The following ANKFY1 variants were observed in gnomAD, a reference collection of about 807,000 sequenced individuals.
ANKFY1 encodes ankyrin repeat and FYVE domain containing 1.
A neutral mutation model predicts 128.3 loss-of-function variants in ANKFY1; 47 were observed. The observed-to-expected ratio is 0.37, with a 90% CI of 0.29 to 0.47. The LOEUF (loss-of-function observed/expected upper bound fraction) is 0.47. Ranked by LOEUF, ANKFY1 falls within the 20% of genes least tolerant of loss-of-function variation. The probability of loss-of-function intolerance (pLI) is 1.00; values close to 1 mark genes in which losing one functional copy is unlikely to be tolerated. For synonymous variants in ANKFY1, 553 were observed against 601.6 expected, an observed-to-expected ratio of 0.92 and a Z score of 1.18; for missense variants, 1,222 against 1,510.6, an observed-to-expected ratio of 0.81 and a Z score of 3.17.
chr17:4,247,913 A>G (rs1418849790), intron 1 of ANKFY1, among the ~76,000 whole-genome samples: 1 of 152,222 alleles, frequency 6.6e-6, no homozygotes, highest in East Asian at 1.9e-4. Context: ...GTAGGTGGTC[A>G]AAATATATTA....
chr17:4,176,876 C>G (rs964058634), intron 19 of ANKFY1, among the ~76,000 whole-genome samples: 1 of 152,210 alleles, frequency 6.6e-6, no homozygotes, highest in East Asian at 1.9e-4. Context: ...GGTGCTCCCA[C>G]CCTGCCTCCA....
intron 4 of ANKFY1, 101 bp from the exon 5 acceptor site, chr17:4,210,048 A>C: frequency 8.9e-7 from 1 of 1,122,768 alleles, no homozygotes; most frequent in Non-Finnish European, 1.3e-6. Context: ...ATGTCCTATT[A>C]ATAACACTAT....
At position 4,225,056 on chromosome 17, in the gene ANKFY1, A is replaced by T. The variant is rs182367434; in HGVS notation, c.323-7938T>A. On this transcript the variant is annotated intron_variant, in intron 3 of 24. Coordinates refer to ENST00000341657, the MANE Select transcript of ANKFY1 (RefSeq NM_001330063.2). ...AAATTAAAGGATTTGTTTTATATTT[A>T]AAAAAAAAAACTTTTTAGGCTGGGT... Among the ~76,000 whole-genome samples, 140 of 56,780 alleles carry T rather than the reference A, an allele frequency of 2.5e-3. 3 individuals carry two copies. In the East Asian group the frequency reaches 0.043, roughly 18 times the overall value. The allele number at this position is 56,780 out of a possible 152,430, so 37.2% of individuals were successfully genotyped here.
chr17:4,213,236 C>A (rs977471063), intron 4 of ANKFY1, among the ~76,000 whole-genome samples: 2 of 152,020 alleles, frequency 1.3e-5, no homozygotes, highest in Non-Finnish European at 2.9e-5. Context: ...GTCGCCCAGG[C>A]TGGAGTGCAG....
intron 15 of ANKFY1, 57 bp downstream of exon 15, chr17:4,182,124 T>C (rs942494923): frequency 3.6e-5 from 49 of 1,373,930 alleles, no homozygotes; most frequent in Non-Finnish European, 4.3e-5. Flanking sequence ...AGCAGATCCA[T>C]CTCTGACACA....
At chr17:4,194,677 A>C (rs2059784868) in intron 10 of ANKFY1, 2 of 386,934 alleles carry the variant, frequency 5.2e-6, no homozygotes, top group Non-Finnish European at 9.5e-6. Context: ...CCTAAAGAAA[A>C]GCTCTCTGGG....
chr17:4,192,891 T>C (rs2143008792), intron 10 of ANKFY1, among the ~76,000 whole-genome samples: 1 of 152,010 alleles, frequency 6.6e-6, no homozygotes, highest in African/African-American at 2.4e-5. Flanking sequence ...AATTAAAAAT[T>C]AAAAAAACTA....
rs1238639996 is a variant in ANKFY1 at position 4,207,152 on chromosome 17, C to T, written c.733-666G>A. Among the ~76,000 whole-genome samples, 6 of 151,966 alleles carry T rather than the reference C, an allele frequency of 3.9e-5. No homozygotes were observed. The South Asian group carries it at 6.2e-4, about 16-fold the overall frequency. ...CCGACCCATCTAACCACAGAGGGCC[C>T]GACCCGTCTAACCACAGAGGGCCCG... is the stretch of plus-strand genomic sequence containing the variant. On this transcript the variant is annotated intron_variant, in intron 6 of 24. Coordinates refer to ENST00000341657, the MANE Select transcript of ANKFY1 (RefSeq NM_001330063.2).
rs77626939 is a variant in ANKFY1 at position 4,201,566 on chromosome 17, C to T, written c.899-3989G>A. On this transcript the variant is annotated intron_variant, in intron 7 of 24. Coordinates refer to ENST00000341657, the MANE Select transcript of ANKFY1 (RefSeq NM_001330063.2). ...ATGTTTGAGAAGAAAATGGATTTGA[C>T]TGGTTAGGGCTATTGGGTTCTACTT... is the stretch of plus-strand genomic sequence containing the variant. Among the ~76,000 whole-genome samples, 733 of 150,436 alleles carry T rather than the reference C, an allele frequency of 4.9e-3. 5 individuals carry two copies. The highest frequency in any genetic ancestry group is 0.017 in the African/African-American group (689 of 40,458).
chr17:4,247,740 G>A (rs1967625299), intron 1 of ANKFY1, among the ~76,000 whole-genome samples: 1 of 152,162 alleles, frequency 6.6e-6, no homozygotes, highest in Admixed American at 6.5e-5. Context: ...AATTTACAGT[G>A]TGCAGGTTCT....
At chr17:4,182,830 C>T (rs1230208967) in intron 14 of ANKFY1, among the ~76,000 whole-genome samples, 1 of 152,172 alleles carries the variant, frequency 6.6e-6, no homozygotes, top group Non-Finnish European at 1.5e-5. Flanking sequence ...TTAGGGTGGG[C>T]CGCAGTGGCT....
At chr17:4,208,670 A>G (rs902116989) in intron 5 of ANKFY1, among the ~76,000 whole-genome samples, 1 of 152,242 alleles carries the variant, frequency 6.6e-6, no homozygotes, top group African/African-American at 2.4e-5. Context: ...CTTTTCCCAC[A>G]GTGTTGTTGA....
At chr17:4,263,723 GT>G (rs998469393) in intron 1 of ANKFY1, 3 of 1,482,404 alleles carry the variant, frequency 2.0e-6, no homozygotes, top group Non-Finnish European at 2.7e-6. Flanking sequence ...GTCCCGCGGG[GT>G]CGGCATCGCG....
chr17:4,208,303 A>C (rs2060062716), intron 5 of ANKFY1, among the ~76,000 whole-genome samples: 1 of 152,256 alleles, frequency 6.6e-6, no homozygotes, highest in Non-Finnish European at 1.5e-5. Context: ...AACTTGCTCA[A>C]GTTCAGACAG....
rs553644958 is a variant in ANKFY1 at position 4,168,926 on chromosome 17, G to A, written c.3377+272C>T. 1.3e-5 allele frequency: 6 copies of A among 448,532 alleles called. No homozygotes were observed. The Admixed American group carries it at 2.0e-4, about 15-fold the overall frequency. The allele number at this position is 448,532 out of a possible 1,614,324, so 27.8% of individuals were successfully genotyped here. On this transcript the variant is annotated intron_variant, in intron 24 of 24. Coordinates refer to ENST00000341657, the MANE Select transcript of ANKFY1 (RefSeq NM_001330063.2). ...CAGCTTTGGTGCAGGCAGGAAGTCAGGAAGGATGGCACAGGCCTGGCAGGC... is the reference window on the plus strand; with the variant it reads ...CAGCTTTGGTGCAGGCAGGAAGTCAAGAAGGATGGCACAGGCCTGGCAGGC...
chr17:4,223,900 C>G (rs2060373269), intron 3 of ANKFY1: 1 of 653,832 alleles, frequency 1.5e-6, no homozygotes, highest in Non-Finnish European at 2.6e-6. Flanking sequence ...TAACACCACG[C>G]CAACAGAAGC....
chr17:4,173,316 C>T lies in ANKFY1; in HGVS notation c.3014+38G>A, dbSNP rs1478262176. 4 of 1,596,600 alleles carry T rather than the reference C, an allele frequency of 2.5e-6. No individual in the cohort carries two copies. In the Admixed American group the frequency reaches 6.7e-5, roughly 27 times the overall value. ...CAACCAGCAGCTCTGAGCAGCAGGC[C>T]AGGCGCCGCGGGGCCTACTCGGGCC... On this transcript the variant is annotated intron_variant, in intron 21 of 24. Coordinates refer to ENST00000341657, the MANE Select transcript of ANKFY1 (RefSeq NM_001330063.2).
rs151044098 is a variant in ANKFY1 at position 4,232,886 on chromosome 17, G to A, written c.322+2886C>T. On this transcript the variant is annotated intron_variant, in intron 3 of 24. Coordinates refer to ENST00000341657, the MANE Select transcript of ANKFY1 (RefSeq NM_001330063.2). ...TTGTTTCAGAGAGCAGCGATGTTTCGTTTTTGCCACTCTCATTCATTTTGG... is the reference window on the plus strand; with the variant it reads ...TTGTTTCAGAGAGCAGCGATGTTTCATTTTTGCCACTCTCATTCATTTTGG... Among the ~76,000 whole-genome samples, 758 of 152,004 alleles carry A rather than the reference G, an allele frequency of 5.0e-3. 5 individuals carry two copies. The highest frequency in any genetic ancestry group is 0.018 in the African/African-American group (737 of 41,464).
chr17:4,173,247 G>A (rs1286016168), intron 21 of ANKFY1, 107 bp downstream of exon 21: 17 of 991,350 alleles, frequency 1.7e-5, no homozygotes, highest in Admixed American at 3.8e-5. Flanking sequence ...GTGCCCCAGC[G>A]GCCGGTTTTG....
Sources: allele counts gnomAD v4.1 joint callset (sites outside exome capture counted in the v4.1 genomes callset), GRCh38; gene constraint gnomAD v4.1.1; transcripts MANE v1.5; gene names NCBI Gene and HGNC (gene_info 2026-07-23, HGNC 2026-07-21).